DDX60: variants seen among roughly 807,000 people sequenced by gnomAD.
The protein encoded by DDX60 is DExD/H-box helicase 60.
Under a neutral mutation model 212.8 loss-of-function variants are expected in DDX60, and 165 were observed. That is an observed-to-expected ratio of 0.78 (90% confidence interval 0.68 to 0.88). The LOEUF (loss-of-function observed/expected upper bound fraction) is 0.88. DDX60 is among the 40% of genes least tolerant of loss of function. The pLI is 0.00. For synonymous variants in DDX60, 703 were observed against 685.3 expected, an observed-to-expected ratio of 1.03 and a Z score of -0.40; for missense variants, 1,905 against 2,003.9, an observed-to-expected ratio of 0.95 and a Z score of 0.94.
At chr4:168,271,923 AC>A (rs1226148045) in intron 19 of DDX60, 119 bp downstream of exon 19, 5 of 764,484 alleles carry the variant, frequency 6.5e-6, no homozygotes, top group African/African-American at 5.3e-5. Flanking sequence ...GGAAAAAAAA[AC>A]GGAGGCCTTC....
At chr4:168,248,972 C>A (rs1457946426) in intron 28 of DDX60, among the ~76,000 whole-genome samples, 1 of 152,118 alleles carries the variant, frequency 6.6e-6, no homozygotes, top group African/African-American at 2.4e-5. Flanking sequence ...GTTGGCTAGG[C>A]TGGTCTTGAA....
chr4:168,283,197 T>C (rs567222059), intron 13 of DDX60, among the ~76,000 whole-genome samples: 1 of 152,240 alleles, frequency 6.6e-6, no homozygotes, highest in Non-Finnish European at 1.5e-5. Flanking sequence ...AACTCAAAAC[T>C]TTAGTCACTT....
At chr4:168,308,830 G>C (rs1737005931) in intron 3 of DDX60, among the ~76,000 whole-genome samples, 1 of 151,178 alleles carries the variant, frequency 6.6e-6, no homozygotes, top group African/African-American at 2.4e-5. Flanking sequence ...GTGACTATTT[G>C]AAAAAACTCT....
At chr4:168,322,110 T>C (rs1262400407), upstream of DDX60, among the ~76,000 whole-genome samples, 1 of 152,200 alleles carries the variant, frequency 6.6e-6, no homozygotes, top group Non-Finnish European at 1.5e-5. Flanking sequence ...GATCCACTAA[T>C]TGACAAATCC....
At chr4:168,293,165 T>A (rs1025969326) in intron 7 of DDX60, among the ~76,000 whole-genome samples, 1 of 152,096 alleles carries the variant, frequency 6.6e-6, no homozygotes, top group Non-Finnish European at 1.5e-5. Flanking sequence ...AACTGTATAT[T>A]GGGGGAAGGA....
intron 27 of DDX60, among the ~76,000 whole-genome samples, chr4:168,251,695 A>G (rs1465546789): frequency 6.6e-6 from 1 of 152,240 alleles, no homozygotes; most frequent in East Asian, 1.9e-4. Flanking sequence ...ACACAACAGA[A>G]TATCAAGTAT....
intron 12 of DDX60, among the ~76,000 whole-genome samples, chr4:168,284,305 T>C (rs1045227015): frequency 6.6e-6 from 1 of 152,170 alleles, no homozygotes; most frequent in Non-Finnish European, 1.5e-5. Flanking sequence ...GTAAGTTTTG[T>C]CAACTCTAAC....
chr4:168,240,129 T>A (rs1373320603), intron 30 of DDX60, among the ~76,000 whole-genome samples: 1 of 152,138 alleles, frequency 6.6e-6, no homozygotes, highest in Non-Finnish European at 1.5e-5. Context: ...AATCTCAGCA[T>A]ACAAAATCAA....
At chr4:168,267,819 T>G (rs1734913760) in intron 21 of DDX60, 22 bp downstream of exon 21, 1 of 1,583,902 alleles carries the variant, frequency 6.3e-7, no homozygotes, top group Non-Finnish European at 8.6e-7. Context: ...AGGCAAGCTT[T>G]ATATAAATAT....
At chr4:168,309,118 C>A (rs2149552300) in intron 3 of DDX60, among the ~76,000 whole-genome samples, 1 of 152,240 alleles carries the variant, frequency 6.6e-6, no homozygotes, top group Admixed American at 6.5e-5. Context: ...AACTTTGTAG[C>A]CACTTCTTGT....
chr4:168,274,649 T>C (rs1296727324), intron 16 of DDX60, among the ~76,000 whole-genome samples: 1 of 152,162 alleles, frequency 6.6e-6, no homozygotes, highest in Admixed American at 6.5e-5. Context: ...AGAGTTACAA[T>C]GTGAATGAAA....
At position 168,260,968 on chromosome 4, in the gene DDX60, G is replaced by C. The variant is rs551547742; in HGVS notation, c.3295C>G (p.Leu1099Val). ...VEQARMVLQN[L>V]SPEADLSPEN... ...GGACTCAAATCTGCTTCAGGACTAA[G>C]ATTCTGAAGTACCATTCTGGCCTGT... is the stretch of plus-strand genomic sequence containing the variant. The change falls in exon 25 of 38, where the codon CTT becomes GTT. Residue 1099 changes from leucine to valine, a missense_variant. By Grantham distance (32) the Leu-to-Val change is conservative. Transcript: ENST00000393743. 3.4e-5 allele frequency: 55 copies of C among 1,612,938 alleles called. No homozygotes were observed. The highest frequency in any genetic ancestry group is 2.5e-4 in the South Asian group (23 of 90,860).
upstream of DDX60, among the ~76,000 whole-genome samples, chr4:168,323,478 C>T (rs521173): frequency 0.57 from 86,111 of 151,840 alleles, 25,650 homozygotes; most frequent in East Asian, 0.76. Flanking sequence ...GCCTGTTAGG[C>T]CTCTTAAATT....
At chr4:168,317,164 T>G (rs1737430442) in intron 1 of DDX60, among the ~76,000 whole-genome samples, 1 of 147,862 alleles carries the variant, frequency 6.8e-6, no homozygotes, top group African/African-American at 2.5e-5. Flanking sequence ...GCCAGCAAAA[T>G]ATGTTAAATG....
Position 168,267,253 on chromosome 4 carries a change from T to C in DDX60, c.3039+329A>G, listed in dbSNP as rs55903627. Among the ~76,000 whole-genome samples the C allele has an allele frequency of 9.7e-3, 1,483 of 152,236 alleles. 10 individuals are homozygous for C. The highest frequency in any genetic ancestry group is 0.018 in the South Asian group (88 of 4,818). On this transcript the variant is annotated intron_variant, in intron 22 of 37. Transcript: ENST00000393743. ...TGTATGGCTGCACTATGAGAAGAAT[T>C]AGTGTCAGAGGGGTAGACAGACAGA...
chr4:168,292,137 C>T (rs1475984843), intron 7 of DDX60, among the ~76,000 whole-genome samples: 2 of 150,366 alleles, frequency 1.3e-5, no homozygotes, highest in Non-Finnish European at 3.0e-5. Flanking sequence ...CAACCTCCAA[C>T]CCAAGGTTCA....
chr4:168,297,064 C>T (rs966292873), intron 6 of DDX60, among the ~76,000 whole-genome samples: 5 of 151,578 alleles, frequency 3.3e-5, no homozygotes, highest in African/African-American at 7.3e-5. Context: ...GCATGCACCA[C>T]CATGCCCGGC....
At position 168,285,969 on chromosome 4, in the gene DDX60, T is replaced by TGAAAGAAA. The variant is rs149956197; in HGVS notation, c.1340-479_1340-472dup. Among the ~76,000 whole-genome samples, 794 of 110,982 alleles carry TGAAAGAAA rather than the reference T, an allele frequency of 7.2e-3. 8 individuals carry two copies. The highest frequency in any genetic ancestry group is 9.6e-3 in the East Asian group (30 of 3,114). The allele number at this position is 110,982 out of a possible 152,430, so 72.8% of individuals were successfully genotyped here. A position where few individuals can be genotyped will look rare whatever the true frequency, so the allele number is the denominator to read the frequency against. On this transcript the variant is annotated intron_variant, in intron 10 of 37. Transcript: ENST00000393743. ...GAAGGGAGGGAGGGAAAGGAAAGAA[T>TGAAAGAAA]GAAAGAAAGAAAGAAAGAAAGAAAG...
intron 33 of DDX60, 152 bp from the exon 34 acceptor site, chr4:168,225,828 G>A: frequency 1.4e-6 from 1 of 729,216 alleles, no homozygotes; most frequent in Non-Finnish European, 2.1e-6. Context: ...TTTTTTCACT[G>A]GTGAAGTTCA....
Sources: allele counts gnomAD v4.1 joint callset (sites outside exome capture counted in the v4.1 genomes callset), GRCh38; gene constraint gnomAD v4.1.1; transcripts MANE v1.5; gene names NCBI Gene and HGNC (gene_info 2026-07-23, HGNC 2026-07-21).